Variants in SUGCT observed in about 807,000 individuals in gnomAD.
SUGCT encodes succinyl-CoA:glutarate-CoA transferase, also known as succinyl-CoA:glutarate CoA-transferase.
A neutral mutation model predicts 55.0 loss-of-function variants in SUGCT; 41 were observed. That is an observed-to-expected ratio of 0.74 (90% CI 0.58 to 0.97). SUGCT has a LOEUF of 0.97. Among genes scored for constraint, SUGCT ranks in the 50% least tolerant of loss-of-function variants. The probability of loss-of-function intolerance (pLI) is 0.00; values close to 1 mark genes in which losing one functional copy is unlikely to be tolerated. For missense variants in SUGCT, 568 were observed against 547.8 expected (o/e 1.04, Z -0.37); for synonymous variants, 187 against 200.4 (o/e 0.93, Z 0.56).
the SUGCT span, among the ~76,000 whole-genome samples, chr7:40,890,296 A>G: frequency 1.5e-5 from 2 of 130,698 alleles, no homozygotes; most frequent in African/African-American, 5.8e-5. Flanking sequence ...ATATTATATA[A>G]TATAAATTAA....
Position 40,325,954 on chromosome 7 carries a change from A to C in SUGCT, c.816+9099A>C, listed in dbSNP as rs903830504. On this transcript the variant is annotated intron_variant, in intron 9 of 13. Coordinates refer to ENST00000335693, the MANE Select transcript of SUGCT (RefSeq NM_001193313.2). ...AGAATTCTTCTAATCTGTTTCCATT[A>C]TCTCTTTAACAAATGTCAAGTTTAT... 4.5e-5 allele frequency among the ~76,000 whole-genome samples: 5 copies of C among 110,844 alleles called. 1 individual carries two copies. 72.7% of individuals were successfully genotyped at this position (110,844 alleles called of 152,430 possible).
chr7:40,315,112 T>A (rs1213011424), intron 8 of SUGCT, among the ~76,000 whole-genome samples: 1 of 151,856 alleles, frequency 6.6e-6, no homozygotes, highest in Non-Finnish European at 1.5e-5. Flanking sequence ...TCTGCTTTTT[T>A]AAAAAAAATT....
chr7:40,580,389 GT>G (rs1797018529), intron 12 of SUGCT, among the ~76,000 whole-genome samples: 1 of 152,152 alleles, frequency 6.6e-6, no homozygotes, highest in Non-Finnish European at 1.5e-5. Flanking sequence ...TAAACTATTT[GT>G]GTTATTCGTG....
chr7:40,456,624 G>C lies in SUGCT; in HGVS notation c.889-2477G>C, dbSNP rs138296786. 4.9e-3 allele frequency among the ~76,000 whole-genome samples: 747 copies of C among 152,202 alleles called. 11 individuals are homozygous for C. Among genetic ancestry groups the C allele is most frequent in the African/African-American group, 0.017 (698 of 41,528 alleles). On this transcript the variant is annotated intron_variant, in intron 10 of 13. Transcript: ENST00000335693. The stretch of plus-strand genomic sequence containing the variant: ...AGAGGGAATCAGGGGAGTCAGTGTT[G>C]AGTGGGGTGGGGTGGCCTGTGATGG...
intron 12 of SUGCT, among the ~76,000 whole-genome samples, chr7:40,745,907 G>T (rs1020952683): frequency 6.6e-6 from 1 of 152,162 alleles, no homozygotes; most frequent in South Asian, 2.1e-4. Flanking sequence ...GCAGTTAATT[G>T]TTAGTGGTCA....
intron 12 of SUGCT, among the ~76,000 whole-genome samples, chr7:40,501,145 A>G (rs1303693422): frequency 6.6e-6 from 1 of 152,218 alleles, no homozygotes; most frequent in African/African-American, 2.4e-5. Flanking sequence ...CCTAGCAGGC[A>G]AGGAGATAAA....
At chr7:40,941,894 A>AT in the SUGCT span, among the ~76,000 whole-genome samples, 1 of 151,906 alleles carries the variant, frequency 6.6e-6, no homozygotes, top group African/African-American at 2.4e-5. Flanking sequence ...ACTACTGTTC[A>AT]TTTTTTGTTT....
chr7:40,423,872 A>G (rs1383852174), intron 9 of SUGCT, among the ~76,000 whole-genome samples: 1 of 152,166 alleles, frequency 6.6e-6, no homozygotes, highest in African/African-American at 2.4e-5. Flanking sequence ...CATAAACTTT[A>G]TGATATTTAA....
chr7:40,476,563 A>G (rs1790691074), intron 11 of SUGCT, among the ~76,000 whole-genome samples: 1 of 152,092 alleles, frequency 6.6e-6, no homozygotes, highest in Non-Finnish European at 1.5e-5. Context: ...CTTTGTGTAT[A>G]TGGTATCAAG....
At chr7:41,000,040 C>A in the SUGCT span, among the ~76,000 whole-genome samples, 1 of 152,158 alleles carries the variant, frequency 6.6e-6, no homozygotes, top group South Asian at 2.1e-4. Context: ...CTTTTCCTTT[C>A]CAGAACAAGA....
intron 13 of SUGCT, among the ~76,000 whole-genome samples, chr7:40,841,136 G>T (rs17688697): frequency 0.35 from 53,149 of 151,482 alleles, 10,181 homozygotes; most frequent in East Asian, 0.82. Context: ...ACCTTCTCAT[G>T]AGAGTACTTC....
intron 12 of SUGCT, among the ~76,000 whole-genome samples, chr7:40,613,224 G>C (rs1384418574): frequency 6.6e-6 from 1 of 152,174 alleles, no homozygotes; most frequent in African/African-American, 2.4e-5. Flanking sequence ...TACTTCGAAA[G>C]ACTGTGGGGC....
At chr7:40,535,645 G>A (rs1794322059) in intron 12 of SUGCT, among the ~76,000 whole-genome samples, 1 of 152,188 alleles carries the variant, frequency 6.6e-6, no homozygotes, top group South Asian at 2.1e-4. Flanking sequence ...TGGACTAAAA[G>A]TGTGGTACAT....
At chr7:40,454,750 A>G (rs1482340099) in intron 10 of SUGCT, among the ~76,000 whole-genome samples, 1 of 152,216 alleles carries the variant, frequency 6.6e-6, no homozygotes, top group Non-Finnish European at 1.5e-5. Flanking sequence ...CCTAGATTTC[A>G]ATATCCAGTA....
intron 12 of SUGCT, among the ~76,000 whole-genome samples, chr7:40,668,931 C>A (rs1354974224): frequency 2.0e-5 from 3 of 152,172 alleles, no homozygotes; most frequent in Non-Finnish European, 4.4e-5. Context: ...GACACTCCAA[C>A]CCCCCTGACA....
At chr7:41,020,289 C>G in the SUGCT span, among the ~76,000 whole-genome samples, 1 of 152,174 alleles carries the variant, frequency 6.6e-6, no homozygotes. Context: ...GTGTGTGTGT[C>G]ATTTTTGTTT....
chr7:40,472,777 A>C (rs893757855), intron 11 of SUGCT, among the ~76,000 whole-genome samples: 3 of 152,120 alleles, frequency 2.0e-5, no homozygotes, highest in Admixed American at 2.0e-4. Context: ...AGGTCAAAAT[A>C]TAGGTAAGAA....
At chr7:40,203,507 G>C (rs1281188510) in intron 6 of SUGCT, among the ~76,000 whole-genome samples, 1 of 152,186 alleles carries the variant, frequency 6.6e-6, no homozygotes, top group Non-Finnish European at 1.5e-5. Context: ...GGGCACAGTG[G>C]CTCATGCCTG....
the SUGCT span, among the ~76,000 whole-genome samples, chr7:41,034,125 C>T: frequency 4.6e-5 from 7 of 152,106 alleles, no homozygotes; most frequent in Non-Finnish European, 1.0e-4. Flanking sequence ...GAAACCAATA[C>T]AATGCAATAC....
Sources: gnomAD v4.1 joint callset for allele counts (sites outside exome capture counted in the v4.1 genomes callset) on GRCh38, gnomAD v4.1.1 for gene constraint, MANE v1.5 for transcripts, NCBI Gene and HGNC (gene_info 2026-07-23, HGNC 2026-07-21) for gene names.